Variants in LVRN observed in about 807,000 individuals in gnomAD.
LVRN encodes the protein aminopeptidase Q.
LVRN carries 99 observed loss-of-function variants against 111.4 expected under a neutral mutation model. That is an observed-to-expected ratio of 0.89 (90% CI 0.76 to 1.05). The LOEUF (loss-of-function observed/expected upper bound fraction) is 1.05. Among genes scored for constraint, LVRN ranks in the 50% least tolerant of loss-of-function variants. The pLI is 0.00. For synonymous variants in LVRN, 488 were observed against 449.5 expected (o/e 1.09, Z -1.08); for missense variants, 1,414 against 1,206.8 (o/e 1.17, Z -2.54).
intron 1 of LVRN, among the ~76,000 whole-genome samples, chr5:115,983,021 A>C (rs890754154): frequency 6.6e-6 from 1 of 152,194 alleles, no homozygotes. Context: ...TGTTTGTAAA[A>C]GGTTTTAAAG....
intron 6 of LVRN, 108 bp downstream of exon 6, chr5:115,993,962 A>T (rs1244906410): frequency 1.7e-6 from 1 of 579,620 alleles, no homozygotes; most frequent in African/African-American, 1.9e-5. Flanking sequence ...GAAATAATAA[A>T]TTACCTATAA....
At chr5:115,997,761 A>G (rs533886662) in intron 6 of LVRN, among the ~76,000 whole-genome samples, 32 of 152,274 alleles carry the variant, frequency 2.1e-4, no homozygotes, top group African/African-American at 7.0e-4. Flanking sequence ...TCTAATCACT[A>G]TATGCAGTAG....
chr5:115,984,439 A>G, intron 2 of LVRN, 131 bp from the exon 3 acceptor site: 3 of 1,124,544 alleles, frequency 2.7e-6, no homozygotes, highest in Non-Finnish European at 3.7e-6. Context: ...GTAGGTGGAG[A>G]AATCTGAACT....
rs749752526 is a variant in LVRN at position 116,026,144 on chromosome 5, C to T, written c.*26C>T. The T allele has an allele frequency of 6.2e-6, 10 of 1,612,900 alleles. No individual in the cohort carries two copies. Among genetic ancestry groups the T allele is most frequent in the Non-Finnish European group, 5.9e-6 (7 of 1,179,504 alleles). On this transcript the variant is annotated 3_prime_UTR_variant, in exon 20 of 20. Coordinates refer to ENST00000357872, the MANE Select transcript of LVRN (RefSeq NM_173800.5). ...CTTGTGGCTATCTTTCAGCACTCCT[C>T]TTGCATATTATAATGTAGTTTGTTC...
chr5:116,023,183 A>AT (rs1325630215), intron 19 of LVRN, among the ~76,000 whole-genome samples: 2 of 152,148 alleles, frequency 1.3e-5, no homozygotes, highest in Non-Finnish European at 2.9e-5. Context: ...CTGTGAATAT[A>AT]TTTTTACCAC....
At chr5:115,978,827 C>G (rs1008206907) in intron 1 of LVRN, among the ~76,000 whole-genome samples, 3 of 152,074 alleles carry the variant, frequency 2.0e-5, no homozygotes, top group Admixed American at 6.6e-5. Flanking sequence ...CTGGGGGTGA[C>G]AGGGAGAGGT....
At position 116,003,344 on chromosome 5, in the gene LVRN, G is replaced by A; in HGVS notation, c.2001G>A (p.Trp667Ter). 3 of 1,502,446 alleles carry A rather than the reference G, an allele frequency of 2.0e-6. No individual in the cohort carries two copies. Among genetic ancestry groups the A allele is most frequent in the Non-Finnish European group, 2.7e-6 (3 of 1,108,530 alleles). 93.1% of individuals were successfully genotyped at this position (1,502,446 alleles called of 1,614,324 possible). A position where few individuals can be genotyped will look rare whatever the true frequency, so the allele number is the denominator to read the frequency against. The change falls in exon 12 of 20, where the codon TGG (tryptophan) becomes TGA (stop). Residue 667 changes from tryptophan (W) to a stop codon, truncating the protein, a stop_gained. Transcript: ENST00000357872. LOFTEE classifies it high-confidence loss of function. ...YYRVNYDKLG[W>*]KKLNQQLEKD... ...GAGTTAATTATGATAAATTAGGTTG[G>A]AAGAAACTAAATCAACAACTTGAAA...
chr5:115,991,854 G>T (rs1747995199), intron 4 of LVRN, among the ~76,000 whole-genome samples: 1 of 152,242 alleles, frequency 6.6e-6, no homozygotes, highest in African/African-American at 2.4e-5. Context: ...TAGTTGGGTT[G>T]TCTGTTTCTT....
intron 12 of LVRN, among the ~76,000 whole-genome samples, chr5:116,003,896 T>C (rs2112610152): frequency 6.6e-6 from 1 of 152,334 alleles, no homozygotes; most frequent in Non-Finnish European, 1.5e-5. Flanking sequence ...GTTGTGTTTT[T>C]GAACATTCAT....
intron 1 of LVRN, among the ~76,000 whole-genome samples, chr5:115,978,681 C>G (rs1753497186): frequency 6.6e-6 from 1 of 152,188 alleles, no homozygotes; most frequent in Admixed American, 6.5e-5. Flanking sequence ...ACTCCCTACT[C>G]TTGGGCTAGT....
intron 6 of LVRN, among the ~76,000 whole-genome samples, chr5:115,994,975 C>A (rs1748074667): frequency 6.6e-6 from 1 of 152,160 alleles, no homozygotes; most frequent in Non-Finnish European, 1.5e-5. Flanking sequence ...CTCCTTCCTG[C>A]CTCTCTTTGC....
intron 13 of LVRN, among the ~76,000 whole-genome samples, chr5:116,009,332 T>C (rs1748441001): frequency 1.3e-5 from 2 of 152,184 alleles, no homozygotes; most frequent in African/African-American, 4.8e-5. Flanking sequence ...AGCACTATGA[T>C]GGAGATGTAC....
intron 7 of LVRN, among the ~76,000 whole-genome samples, chr5:116,000,209 T>A (rs1748209596): frequency 6.6e-6 from 1 of 152,226 alleles, no homozygotes; most frequent in African/African-American, 2.4e-5. Context: ...TTAAAAATTT[T>A]ATGTACTCTG....
chr5:115,997,536 C>A (rs111945543), intron 6 of LVRN, among the ~76,000 whole-genome samples: 1,534 of 151,890 alleles, frequency 0.01, 24 homozygotes, highest in African/African-American at 0.035. Flanking sequence ...TGGTGCTGCA[C>A]CCTTGTAGTC....
intron 1 of LVRN, among the ~76,000 whole-genome samples, chr5:115,977,118 C>T (rs931580479): frequency 2.6e-5 from 4 of 152,180 alleles, no homozygotes; most frequent in Non-Finnish European, 5.9e-5. Context: ...CCAGCAGCTT[C>T]TCTTTGCCTG....
At chr5:116,006,403 C>T (rs887687256) in intron 13 of LVRN, among the ~76,000 whole-genome samples, 2 of 151,764 alleles carry the variant, frequency 1.3e-5, no homozygotes, top group African/African-American at 4.8e-5. Flanking sequence ...TTTAGCCAGC[C>T]GTATTGTTTG....
At chr5:115,968,542 G>C in intron 1 of LVRN, among the ~76,000 whole-genome samples, 1 of 150,578 alleles carries the variant, frequency 6.6e-6, no homozygotes, top group Admixed American at 6.6e-5. Context: ...AGGCCCAAGT[G>C]ATCCTCTTGT....
rs1397769736 is a variant in LVRN at position 116,022,399 on chromosome 5, C to T, written c.2765C>T (p.Thr922Ile). The change falls in exon 19 of 20, where the codon ACA becomes ATA. Residue 922 changes from threonine (T) to isoleucine (I), a missense_variant. Coordinates refer to ENST00000357872, the MANE Select transcript of LVRN (RefSeq NM_173800.5). ...ATCTTATTGCCTTGTAGGTATGGAACACAATCATTGATTAATCTAATATAT... is the reference window on the plus strand; with the variant it reads ...ATCTTATTGCCTTGTAGGTATGGAATACAATCATTGATTAATCTAATATAT... The part of the protein sequence containing the change: ...NWQAVSKRYG[T>I]QSLINLIYTI... The T allele has an allele frequency of 6.3e-7, 1 of 1,581,496 alleles. No individual in the cohort carries two copies. Among genetic ancestry groups the T allele is most frequent in the East Asian group, 2.3e-5 (1 of 43,996 alleles).
intron 4 of LVRN, among the ~76,000 whole-genome samples, chr5:115,991,782 T>C (rs763279264): frequency 1.5e-4 from 23 of 152,248 alleles, no homozygotes; most frequent in Non-Finnish European, 2.5e-4. Context: ...TTTTCATATG[T>C]GTATTTGCCA....
Sources: gnomAD v4.1 joint callset for allele counts (sites outside exome capture counted in the v4.1 genomes callset) on GRCh38, gnomAD v4.1.1 for gene constraint, MANE v1.5 for transcripts, NCBI Gene and HGNC (gene_info 2026-07-23, HGNC 2026-07-21) for gene names.